The following SLC24A1 variants were observed in gnomAD, a reference collection of about 807,000 sequenced individuals.
SLC24A1 encodes the protein solute carrier family 24 member 1, also known as sodium/potassium/calcium exchanger 1.
SLC24A1 carries 52 observed loss-of-function variants against 88.1 expected under a neutral mutation model. The observed-to-expected ratio is 0.59, with a 90% CI of 0.47 to 0.74. The LOEUF is 0.74. SLC24A1 is among the 30% of genes least tolerant of loss of function. The pLI is 0.00. For synonymous variants in SLC24A1, 455 were observed against 498.0 expected, an observed-to-expected ratio of 0.91 and a Z score of 1.15; for missense variants, 1,173 against 1,363.3, an observed-to-expected ratio of 0.86 and a Z score of 2.20.
chr15:65,624,918 A>C lies in SLC24A1; in HGVS notation c.838A>C (p.Asn280His). 6.2e-7 allele frequency: 1 copy of C among 1,613,356 alleles called. No homozygotes were observed. The highest frequency in any genetic ancestry group is 2.2e-5 in the East Asian group (1 of 44,880). The change falls in exon 2 of 10, where the codon AAC becomes CAC. Residue 280 changes from asparagine (N) to histidine (H), a missense_variant. Transcript: ENST00000261892. ...TSPRSVMEKNNLFPPRRVESN... is the reference protein window; with the variant it reads ...TSPRSVMEKNHLFPPRRVESN... ...TCCAAGGAGCGTCATGGAAAAAAAC[A>C]ACCTGTTTCCCCCCAGAAGAGTGGA... is the stretch of plus-strand genomic sequence containing the variant.
chr15:65,633,269 A>T (rs1386093251), intron 2 of SLC24A1, among the ~76,000 whole-genome samples: 5 of 152,236 alleles, frequency 3.3e-5, no homozygotes, highest in Non-Finnish European at 7.3e-5. Context: ...TCAAAGGCTT[A>T]GTCTGAAAAA....
At chr15:65,651,377 A>C (rs1300119973) in intron 7 of SLC24A1, among the ~76,000 whole-genome samples, 2 of 152,174 alleles carry the variant, frequency 1.3e-5, no homozygotes, top group Non-Finnish European at 2.9e-5. Context: ...GCAAAAGCCA[A>C]ACCAGATACC....
intron 9 of SLC24A1, among the ~76,000 whole-genome samples, chr15:65,653,410 G>T (rs991379803): frequency 2.0e-5 from 3 of 151,264 alleles, no homozygotes; most frequent in African/African-American, 7.3e-5. Flanking sequence ...CATCACTAAA[G>T]AATTAAAAGA....
upstream of SLC24A1, among the ~76,000 whole-genome samples, chr15:65,620,176 G>A (rs1391514444): frequency 6.6e-6 from 1 of 151,734 alleles, no homozygotes; most frequent in African/African-American, 2.4e-5. Flanking sequence ...GGGCTCTGGG[G>A]ATTCAGTGGT....
At position 65,650,432 on chromosome 15, in the gene SLC24A1, C is replaced by T. The variant is rs772174372; in HGVS notation, c.2283C>T (p.Gly761=). The T allele has an allele frequency of 5.2e-6, 8 of 1,551,260 alleles. No individual in the cohort carries two copies. The highest frequency in any genetic ancestry group is 2.7e-5 in the African/African-American group (2 of 72,856). Residue 761 remains glycine (G), a synonymous_variant, in exon 7 of 10, where the codon GGC becomes GGT. Coordinates refer to ENST00000261892, the MANE Select transcript of SLC24A1 (RefSeq NM_004727.3). This position sits in a 1 kb window ranked among gnomAD's most constrained non-coding sequence, Gnocchi z 4.1. The part of the protein sequence containing the change: ...ESTGEMPGEE[G]ETAGEGETEE... ...CAGGTGAAATGCCAGGCGAAGAGGG[C>T]GAAACTGCTGGTGAAGGTGAAACTG... is the stretch of plus-strand genomic sequence containing the variant.
chr15:65,636,021 C>G (rs1313085917), intron 2 of SLC24A1, among the ~76,000 whole-genome samples: 1 of 152,162 alleles, frequency 6.6e-6, no homozygotes, highest in Non-Finnish European at 1.5e-5. Context: ...GCACTATTTT[C>G]TATATTTTCT....
chr15:65,612,838 C>G (rs540007876), intron 2 of SLC24A1, among the ~76,000 whole-genome samples: 2 of 152,296 alleles, frequency 1.3e-5, no homozygotes, highest in African/African-American at 4.8e-5. Flanking sequence ...GATGGATGAT[C>G]AAATCTTGTG....
intron 1 of SLC24A1, chr15:65,612,362 A>T (rs1414555230): frequency 2.0e-5 from 3 of 152,342 alleles, no homozygotes; most frequent in Non-Finnish European, 2.9e-5. Flanking sequence ...ATGGGGCGAG[A>T]TTAGGAGATG....
chr15:65,623,699 T>G lies in SLC24A1; in HGVS notation c.-126-256T>G, dbSNP rs192547408. Among the ~76,000 whole-genome samples, 297 of 152,254 alleles carry G rather than the reference T, an allele frequency of 2.0e-3. 1 individual carries two copies. The highest frequency in any genetic ancestry group is 3.0e-3 in the Non-Finnish European group (203 of 68,018). On this transcript the variant is annotated intron_variant, in intron 1 of 9. Transcript: ENST00000261892. ...AGGGAGGACTTGGTGGACTCCATAGTGCACTCAGGCTCCAGCTCAGGAACC... is the reference window on the plus strand; with the variant it reads ...AGGGAGGACTTGGTGGACTCCATAGGGCACTCAGGCTCCAGCTCAGGAACC...
chr15:65,629,162 G>A (rs991121019), intron 2 of SLC24A1, among the ~76,000 whole-genome samples: 48 of 152,154 alleles, frequency 3.2e-4, no homozygotes, highest in African/African-American at 7.2e-5. Flanking sequence ...TACAATCAGC[G>A]GAGAACAATC....
At chr15:65,660,332 T>G, downstream of SLC24A1, 1 of 1,532,746 alleles carries the variant, frequency 6.5e-7, no homozygotes, top group Non-Finnish European at 8.7e-7. Context: ...TGGTGTGAAC[T>G]CAAAAGGTGG....
chr15:65,625,519 C>T lies in SLC24A1; in HGVS notation c.1439C>T (p.Ala480Val). The T allele has an allele frequency of 1.9e-6, 3 of 1,614,034 alleles. No homozygotes were observed. The highest frequency in any genetic ancestry group is 2.5e-6 in the Non-Finnish European group (3 of 1,179,902). The change falls in exon 2 of 10, where the codon GCC (alanine) becomes GTC (valine). Residue 480 changes from alanine (A) to valine (V), a missense_variant. Physicochemically the swap from Ala to Val is moderately conservative, Grantham distance 64 (BLOSUM62 0). Coordinates refer to ENST00000261892, the MANE Select transcript of SLC24A1 (RefSeq NM_004727.3). ...GTTTGCGACGAGTACTTCGTTCCAG[C>T]CCTGGGTGTCATCACAGACAAGCTG... The part of the protein sequence containing the change: ...AIVCDEYFVP[A>V]LGVITDKLQI...
chr15:65,630,757 G>A (rs1230697685), intron 2 of SLC24A1, among the ~76,000 whole-genome samples: 2 of 152,176 alleles, frequency 1.3e-5, no homozygotes, highest in East Asian at 1.9e-4. Context: ...GATCACTTGA[G>A]GTCAGGAGTT....
intron 8 of SLC24A1, chr15:65,652,311 T>C (rs1288704887): frequency 6.8e-6 from 2 of 294,600 alleles, no homozygotes; most frequent in East Asian, 1.6e-4. Flanking sequence ...AATGCTGACA[T>C]GAACAGCTCT....
At chr15:65,639,547 T>C in intron 3 of SLC24A1, 48 bp from the exon 4 acceptor site, 1 of 1,228,864 alleles carries the variant, frequency 8.1e-7, no homozygotes, top group Non-Finnish European at 1.2e-6. Flanking sequence ...GTGTGGTTCC[T>C]CCCCTGGCTT....
intron 2 of SLC24A1, among the ~76,000 whole-genome samples, chr15:65,613,899 C>T (rs549299235): frequency 6.6e-6 from 1 of 152,062 alleles, no homozygotes; most frequent in Non-Finnish European, 1.5e-5. Context: ...TCTTCCCGCT[C>T]TTCTCATACT....
In SLC24A1 at chr15:65,638,198, G is replaced by A. The variant is rs750971680; in HGVS notation, c.1944+17G>A. On this transcript the variant is annotated intron_variant, in intron 3 of 9. Transcript: ENST00000261892. ...AAGCTGAAGGTGGGTGCCGTATGGA[G>A]TCTGCCCAGTGGGGACACTGCAGGG... 1 of 1,571,132 alleles carries A rather than the reference G, an allele frequency of 6.4e-7. No individual in the cohort carries two copies. Among genetic ancestry groups the A allele is most frequent in the Non-Finnish European group, 8.7e-7 (1 of 1,146,468 alleles).
At chr15:65,616,517 T>C (rs1053767833) in intron 2 of SLC24A1, among the ~76,000 whole-genome samples, 5 of 152,280 alleles carry the variant, frequency 3.3e-5, no homozygotes, top group African/African-American at 1.2e-4. Context: ...CTTGGCTGCA[T>C]AGATGTCTTC....
rs1308357647 is a variant in SLC24A1 at position 65,624,539 on chromosome 15, C to T, written c.459C>T (p.Tyr153=). 1.2e-6 allele frequency: 2 copies of T among 1,601,704 alleles called. No individual in the cohort carries two copies. Among genetic ancestry groups the T allele is most frequent in the Non-Finnish European group, 1.7e-6 (2 of 1,173,900 alleles). ...DTPTSSRTLT[Y]YTSTSSRQIV... ...CAACATCCAGTAGAACACTGACTTACTACACCTCAACTTCAAGCAGACAAA... is the reference window on the plus strand; with the variant it reads ...CAACATCCAGTAGAACACTGACTTATTACACCTCAACTTCAAGCAGACAAA... The change falls in exon 2 of 10, where the codon TAC becomes TAT. Residue 153 remains tyrosine, a synonymous_variant. Transcript: ENST00000261892.
Sources: gnomAD v4.1 joint callset for allele counts (sites outside exome capture counted in the v4.1 genomes callset) on GRCh38, gnomAD v4.1.1 for gene constraint, Gnocchi (gnomAD v3.1) non-coding constraint, MANE v1.5 for transcripts, NCBI Gene and HGNC (gene_info 2026-07-23, HGNC 2026-07-21) for gene names.